Variants in PCDHGB4 observed in about 807,000 individuals in gnomAD.
PCDHGB4 encodes the protein protocadherin gamma-B4.
PCDHGB4 carries 38 observed loss-of-function variants against 60.5 expected under a neutral mutation model. That is an observed-to-expected ratio of 0.63 (90% CI 0.48 to 0.82). PCDHGB4 has a LOEUF of 0.82. Ranked by LOEUF, PCDHGB4 falls within the 40% of genes least tolerant of loss-of-function variation. The pLI is 0.00. For synonymous variants in PCDHGB4, 456 were observed against 509.7 expected (o/e 0.89, Z 1.42); for missense variants, 1,109 against 1,209.6 (o/e 0.92, Z 1.23).
chr5:141,421,374 C>T, intron 1 of PCDHGB4: 1 of 1,614,062 alleles, frequency 6.2e-7, no homozygotes, highest in Non-Finnish European at 8.5e-7. Flanking sequence ...TGGGCAATAT[C>T]TCCAAGGACC....
intron 1 of PCDHGB4, chr5:141,392,409 A>G (rs1308940731): frequency 6.4e-6 from 1 of 156,720 alleles, no homozygotes; most frequent in African/African-American, 2.4e-5. Context: ...ACTAAATAAA[A>G]CCTTCATCTC....
At position 141,481,468 on chromosome 5, in the gene PCDHGB4, G is replaced by A. The variant is rs575259839; in HGVS notation, c.2398-13339G>A. Among the ~76,000 whole-genome samples the A allele has an allele frequency of 2.6e-5, 4 of 152,332 alleles. No homozygotes were observed. In the South Asian group the frequency reaches 8.3e-4, roughly 32 times the overall value. On this transcript the variant is annotated intron_variant, in intron 1 of 3. Transcript: ENST00000519479. Reference sequence around the variant, plus strand: ...CATGTAAATACACTGAAAACCATTGGATTATACACTTTAAATATGTGATTT... The same window carrying A: ...CATGTAAATACACTGAAAACCATTGAATTATACACTTTAAATATGTGATTT...
chr5:141,392,570 AG>A (rs1561637414), intron 1 of PCDHGB4: 1 of 443,018 alleles, frequency 2.3e-6, no homozygotes, highest in East Asian at 3.6e-5. Context: ...GTAACTATTT[AG>A]GACTGTAAGC....
chr5:141,422,569 G>C, intron 1 of PCDHGB4: 2 of 1,613,984 alleles, frequency 1.2e-6, no homozygotes, highest in Non-Finnish European at 1.7e-6. Flanking sequence ...AGATGACAAC[G>C]ATAACCCTCC....
At chr5:141,400,166 C>T (rs370071207) in intron 1 of PCDHGB4, 80 of 1,613,954 alleles carry the variant, frequency 5.0e-5, no homozygotes, top group South Asian at 7.7e-5. Context: ...CCCTCTGACC[C>T]CCAGGCTGAG....
At chr5:141,404,382 A>G (rs765708858) in intron 1 of PCDHGB4, 27 of 1,613,860 alleles carry the variant, frequency 1.7e-5, no homozygotes, top group South Asian at 1.2e-4. Context: ...GTGATTGCCT[A>G]TGACCCTGAT....
Position 141,487,691 on chromosome 5 carries a change from A to T in PCDHGB4, c.2398-7116A>T. On this transcript the variant is annotated intron_variant, in intron 1 of 3. Transcript: ENST00000519479. The surrounding 1 kb of genome is among the most constrained non-coding windows in gnomAD (Gnocchi z 5.0). ...CATATGGCTAGGCCATGTCCTAGAG[A>T]GTACTGGCCTCTCAGTAAGTGCCCA... 6.2e-7 allele frequency: 1 copy of T among 1,604,122 alleles called. No individual in the cohort carries two copies. The highest frequency in any genetic ancestry group is 8.5e-7 in the Non-Finnish European group (1 of 1,174,384).
intron 1 of PCDHGB4, chr5:141,392,600 G>A: frequency 2.0e-6 from 1 of 505,338 alleles, no homozygotes; most frequent in East Asian, 3.2e-5. Context: ...TCACCTACTG[G>A]AAGACAAATG....
intron 1 of PCDHGB4, chr5:141,478,565 T>C (rs772519746): frequency 1.6e-5 from 25 of 1,593,862 alleles, no homozygotes; most frequent in Non-Finnish European, 2.0e-5. Flanking sequence ...TAGCAAGTCA[T>C]GCTTGACCCT....
chr5:141,403,051 C>G (rs1273209859), intron 1 of PCDHGB4: 1 of 1,614,086 alleles, frequency 6.2e-7, no homozygotes, highest in African/African-American at 1.3e-5. Flanking sequence ...AGATTCGCTA[C>G]TCAGTGCCTG....
At position 141,432,900 on chromosome 5, in the gene PCDHGB4, T is replaced by A. The variant is rs139221180; in HGVS notation, c.2397+42619T>A. ...GCCTTCGTCATCTTGCTGCTGGCGCTCAGGCTGCGGCGCTGGCACAAGTCA... is the reference window on the plus strand; with the variant it reads ...GCCTTCGTCATCTTGCTGCTGGCGCACAGGCTGCGGCGCTGGCACAAGTCA... On this transcript the variant is annotated intron_variant, in intron 1 of 3. Transcript: ENST00000519479. The surrounding 1 kb of genome is among the most constrained non-coding windows in gnomAD (Gnocchi z 6.0). The A allele has an allele frequency of 7.9e-5, 128 of 1,614,174 alleles. No homozygotes were observed. The highest frequency in any genetic ancestry group is 7.4e-4 in the East Asian group (33 of 44,868).
chr5:141,504,130 C>T (rs1334901812), intron 2 of PCDHGB4, among the ~76,000 whole-genome samples: 1 of 152,154 alleles, frequency 6.6e-6, no homozygotes, highest in African/African-American at 2.4e-5. Flanking sequence ...TGTTTCCCGC[C>T]AACACTCCCC....
chr5:141,435,593 G>T (rs183768133), intron 1 of PCDHGB4, among the ~76,000 whole-genome samples: 1 of 152,112 alleles, frequency 6.6e-6, no homozygotes, highest in East Asian at 1.9e-4. Flanking sequence ...CAGTAATATC[G>T]CCTGCTTTTT....
chr5:141,390,728 G>A (rs550991911), intron 1 of PCDHGB4: 12 of 194,328 alleles, frequency 6.2e-5, no homozygotes, highest in Admixed American at 2.2e-4. Context: ...AATTTAACTG[G>A]TATGGTCTCC....
Position 141,432,098 on chromosome 5 carries a change from G to C in PCDHGB4, c.2397+41817G>C, listed in dbSNP as rs771050429. The C allele has an allele frequency of 1.9e-6, 3 of 1,613,938 alleles. No homozygotes were observed. The highest frequency in any genetic ancestry group is 1.7e-5 in the Admixed American group (1 of 59,992). On this transcript the variant is annotated intron_variant, in intron 1 of 3. Transcript: ENST00000519479. The surrounding 1 kb of genome is among the most constrained non-coding windows in gnomAD (Gnocchi z 6.0). ...CTCGCTGAACGTGGCAGACACCAAC[G>C]ACAACCCGCCGGTCTTCCCTCAGGC...
rs777314784 is a variant in PCDHGB4, at chr5:141,432,669, C to A, written c.2397+42388C>A. On this transcript the variant is annotated intron_variant, in intron 1 of 3. Transcript: ENST00000519479. The surrounding 1 kb of genome is among the most constrained non-coding windows in gnomAD (Gnocchi z 6.0). ...GCGCGAGCCCTGCTGGACAGAGACG[C>A]GCTCAAGCAGAGCCTCGTAGTGGCC... 1 of 1,613,894 alleles carries A rather than the reference C, an allele frequency of 6.2e-7. No homozygotes were observed. Among genetic ancestry groups the A allele is most frequent in the Non-Finnish European group, 8.5e-7 (1 of 1,179,950 alleles).
At chr5:141,502,203 C>G (rs1562205141) in intron 2 of PCDHGB4, among the ~76,000 whole-genome samples, 1 of 152,122 alleles carries the variant, frequency 6.6e-6, no homozygotes. Context: ...ATAGAATCCA[C>G]CAGCAGATTT....
chr5:141,408,871 T>C, intron 1 of PCDHGB4: 2 of 1,612,784 alleles, frequency 1.2e-6, no homozygotes, highest in Non-Finnish European at 1.7e-6. Flanking sequence ...CACCAAGAAG[T>C]GCCACCGCTC....
intron 1 of PCDHGB4, among the ~76,000 whole-genome samples, chr5:141,437,026 A>G (rs1398960659): frequency 6.6e-6 from 1 of 152,258 alleles, no homozygotes; most frequent in Non-Finnish European, 1.5e-5. Context: ...TCACCAGAAA[A>G]TGGATCACCG....
Sources: allele counts gnomAD v4.1 joint callset (sites outside exome capture counted in the v4.1 genomes callset), GRCh38; gene constraint gnomAD v4.1.1; non-coding constraint Gnocchi (gnomAD v3.1); transcripts MANE v1.5; gene names NCBI Gene and HGNC (gene_info 2026-07-23, HGNC 2026-07-21).